Variants in CAMKMT observed in about 807,000 individuals in gnomAD.
The protein encoded by CAMKMT is CaM KMT.
CAMKMT carries 53 observed loss-of-function variants against 48.0 expected under a neutral mutation model. The observed-to-expected ratio is 1.10, with a 90% CI of 0.89 to 1.39. The LOEUF is 1.39. Among genes scored for constraint, CAMKMT ranks in the 40% most tolerant of loss-of-function variants. CAMKMT has a pLI of 0.00. For missense variants in CAMKMT, 428 were observed against 402.7 expected (o/e 1.06, Z -0.54); for synonymous variants, 165 against 152.3 (o/e 1.08, Z -0.61).
intron 3 of CAMKMT, among the ~76,000 whole-genome samples, chr2:44,604,333 A>T (rs182079419): frequency 6.6e-6 from 1 of 152,324 alleles, no homozygotes; most frequent in East Asian, 1.9e-4. Flanking sequence ...CATAACTAAG[A>T]TTGCCAAAGT....
At chr2:44,641,499 T>A (rs1223124483) in intron 3 of CAMKMT, among the ~76,000 whole-genome samples, 6 of 151,718 alleles carry the variant, frequency 4.0e-5, no homozygotes, top group Non-Finnish European at 1.5e-5. Context: ...TGACAATCAT[T>A]TTTTGTTGCT....
chr2:44,508,337 A>T (rs1488271494), intron 3 of CAMKMT, among the ~76,000 whole-genome samples: 1 of 152,242 alleles, frequency 6.6e-6, no homozygotes, highest in East Asian at 1.9e-4. Context: ...ATCCTGTGGC[A>T]TCAGCACCTT....
rs1334542573 is a variant in CAMKMT, at chr2:44,657,355, G to T, written c.377-46928G>T. Among the ~76,000 whole-genome samples, 1 of 152,190 alleles carries T rather than the reference G, an allele frequency of 6.6e-6. No individual in the cohort carries two copies. Among genetic ancestry groups the T allele is most frequent in the East Asian group, 1.9e-4 (1 of 5,198 alleles). On this transcript the variant is annotated intron_variant, in intron 3 of 10. Transcript: ENST00000378494. This position sits in a 1 kb window ranked among gnomAD's most constrained non-coding sequence, Gnocchi z 4.3. ...TATCAATGTCTAACCTGACTCATTT[G>T]GAGAGGGCTTTAAAAGTCTTAGCAT...
intron 3 of CAMKMT, among the ~76,000 whole-genome samples, chr2:44,586,601 A>G (rs971732270): frequency 2.0e-5 from 3 of 152,274 alleles, no homozygotes; most frequent in Middle Eastern, 3.4e-3. Flanking sequence ...ATAATTATTT[A>G]TATTTAATTC....
intron 2 of CAMKMT, among the ~76,000 whole-genome samples, chr2:44,387,933 C>G (rs1680934833): frequency 6.6e-6 from 1 of 152,144 alleles, no homozygotes; most frequent in Non-Finnish European, 1.5e-5. Context: ...TTATAGGTTA[C>G]CTGGTGCTTT....
intron 3 of CAMKMT, among the ~76,000 whole-genome samples, chr2:44,437,667 G>A (rs1379279264): frequency 2.0e-5 from 3 of 151,992 alleles, no homozygotes; most frequent in Non-Finnish European, 4.4e-5. Flanking sequence ...GGGCAACATG[G>A]TGAAACCCCC....
intron 3 of CAMKMT, among the ~76,000 whole-genome samples, chr2:44,654,294 A>G (rs1168046664): frequency 2.0e-5 from 3 of 152,168 alleles, no homozygotes; most frequent in Non-Finnish European, 4.4e-5. Context: ...GAACCTTTAC[A>G]TGAAGGCAAA....
chr2:44,452,082 G>A (rs1344856161), intron 3 of CAMKMT, among the ~76,000 whole-genome samples: 1 of 151,766 alleles, frequency 6.6e-6, no homozygotes, highest in Non-Finnish European at 1.5e-5. Context: ...TATTTTAGCT[G>A]GTGGTTTAAA....
At position 44,594,299 on chromosome 2, in the gene CAMKMT, T is replaced by G. The variant is rs547170651; in HGVS notation, c.377-109984T>G. 2.6e-5 allele frequency among the ~76,000 whole-genome samples: 4 copies of G among 152,264 alleles called. No individual in the cohort carries two copies. In the South Asian group the frequency reaches 8.3e-4, roughly 32 times the overall value. ...CTACCATTGACTTTCTTCACAGAAT[T>G]GGAAAAAACTACTTTAAATTTCATA... On this transcript the variant is annotated intron_variant, in intron 3 of 10. Transcript: ENST00000378494.
chr2:44,523,558 G>A (rs534319612), intron 3 of CAMKMT, among the ~76,000 whole-genome samples: 11 of 151,438 alleles, frequency 7.3e-5, no homozygotes, highest in Admixed American at 2.6e-4. Flanking sequence ...GCCTCCCAAA[G>A]TGTTGGCATT....
At chr2:44,494,719 T>G (rs1246612548) in intron 3 of CAMKMT, among the ~76,000 whole-genome samples, 1 of 152,170 alleles carries the variant, frequency 6.6e-6, no homozygotes, top group Non-Finnish European at 1.5e-5. Context: ...TACCAATTAG[T>G]ATAGGAAAGA....
Position 44,538,958 on chromosome 2 carries a change from CTGTGTGTGTGTGTG to C in CAMKMT, c.376+148685_376+148698del, listed in dbSNP as rs57970764. ...TTTCTCTCTCTTTCTGTGTGTGTGT[CTGTGTGTGTGTGTG>C]TGTGTGTGTGTGTGTGTGTGTGTGT... is the stretch of plus-strand genomic sequence containing the variant. On this transcript the variant is annotated intron_variant, in intron 3 of 10. Coordinates refer to ENST00000378494, the MANE Select transcript of CAMKMT (RefSeq NM_024766.5). 6.2e-3 allele frequency among the ~76,000 whole-genome samples: 873 copies of C among 140,204 alleles called. 9 individuals are homozygous for C. The highest frequency in any genetic ancestry group is 0.02 in the African/African-American group (760 of 37,784). 92.0% of individuals were successfully genotyped at this position (140,204 alleles called of 152,430 possible).
intron 3 of CAMKMT, among the ~76,000 whole-genome samples, chr2:44,674,257 G>A (rs1428403397): frequency 6.6e-6 from 1 of 152,176 alleles, no homozygotes. Context: ...AAAAGGGTAT[G>A]CAAACCCCTG....
At chr2:44,555,208 T>A (rs1667941970) in intron 3 of CAMKMT, among the ~76,000 whole-genome samples, 1 of 152,120 alleles carries the variant, frequency 6.6e-6, no homozygotes, top group South Asian at 2.1e-4. Context: ...TCATGGAGGA[T>A]GGATTGGAGT....
intron 3 of CAMKMT, among the ~76,000 whole-genome samples, chr2:44,579,934 C>T (rs1432328346): frequency 6.6e-6 from 1 of 152,136 alleles, no homozygotes; most frequent in Non-Finnish European, 1.5e-5. Context: ...GGAATCAGTT[C>T]CCAGTTTTCT....
At chr2:44,564,254 T>C (rs4953103) in intron 3 of CAMKMT, among the ~76,000 whole-genome samples, 94,827 of 150,638 alleles carry the variant, frequency 0.63, 30,308 homozygotes, top group Middle Eastern at 0.71. Context: ...CATTTCACTG[T>C]AACCTCCGCC....
At chr2:44,498,877 C>T (rs576301539) in intron 3 of CAMKMT, among the ~76,000 whole-genome samples, 1 of 152,122 alleles carries the variant, frequency 6.6e-6, no homozygotes, top group Non-Finnish European at 1.5e-5. Flanking sequence ...ACCAAATTAT[C>T]CTGAGCACTT....
At chr2:44,423,249 G>A (rs919384153) in intron 3 of CAMKMT, among the ~76,000 whole-genome samples, 2 of 152,000 alleles carry the variant, frequency 1.3e-5, no homozygotes, top group East Asian at 1.9e-4. Context: ...GTGCGATCTC[G>A]GCTCACTGCA....
intron 3 of CAMKMT, among the ~76,000 whole-genome samples, chr2:44,479,660 A>G (rs1197022636): frequency 1.3e-5 from 2 of 152,198 alleles, no homozygotes; most frequent in East Asian, 1.9e-4. Context: ...TCAGAGCATA[A>G]CAATGGCTCG....
Sources: gnomAD v4.1 joint callset for allele counts (sites outside exome capture counted in the v4.1 genomes callset) on GRCh38, gnomAD v4.1.1 for gene constraint, Gnocchi (gnomAD v3.1) non-coding constraint, MANE v1.5 for transcripts, NCBI Gene and HGNC (gene_info 2026-07-23, HGNC 2026-07-21) for gene names.